The following DENND1A variants were observed in gnomAD, a reference collection of about 807,000 sequenced individuals.
The protein encoded by DENND1A is DENN domain containing 1A.
DENND1A carries 51 observed loss-of-function variants against 113.7 expected under a neutral mutation model. The ratio of observed to expected loss-of-function variants is 0.45; its 90% CI spans 0.36 to 0.57. DENND1A has a LOEUF of 0.57. DENND1A is among the 20% of genes least tolerant of loss of function. The probability of loss-of-function intolerance (pLI) is 0.00; values close to 1 mark genes in which losing one functional copy is unlikely to be tolerated. For synonymous variants in DENND1A, 565 were observed against 570.8 expected, an observed-to-expected ratio of 0.99 and a Z score of 0.14; for missense variants, 1,258 against 1,395.9, an observed-to-expected ratio of 0.90 and a Z score of 1.57.
chr9:123,637,527 T>C (rs2061767534), intron 9 of DENND1A, among the ~76,000 whole-genome samples: 1 of 152,236 alleles, frequency 6.6e-6, no homozygotes, highest in Non-Finnish European at 1.5e-5. Flanking sequence ...CTGCAGGGAC[T>C]CTGTGAAGTC....
chr9:123,622,674 G>A (rs2061018328), intron 10 of DENND1A, among the ~76,000 whole-genome samples: 1 of 152,136 alleles, frequency 6.6e-6, no homozygotes. Flanking sequence ...TCTTGGCTGT[G>A]TGACAGTAGG....
intron 19 of DENND1A, chr9:123,413,277 T>G (rs2044457144): frequency 2.3e-6 from 1 of 444,356 alleles, no homozygotes; most frequent in African/African-American, 2.1e-5. Context: ...GTAATAATTT[T>G]TAGATTGATT....
intron 10 of DENND1A, among the ~76,000 whole-genome samples, chr9:123,629,332 T>C (rs1237527223): frequency 6.6e-6 from 1 of 152,208 alleles, no homozygotes; most frequent in Non-Finnish European, 1.5e-5. Context: ...CTTACGGACT[T>C]CTGTTGACTT....
intron 2 of DENND1A, among the ~76,000 whole-genome samples, chr9:123,841,891 A>T (rs1219045545): frequency 6.6e-6 from 1 of 152,168 alleles, no homozygotes; most frequent in Non-Finnish European, 1.5e-5. Context: ...CTGATTTTTT[A>T]AATGTGCTGC....
intron 12 of DENND1A, among the ~76,000 whole-genome samples, chr9:123,558,215 G>A (rs1217020967): frequency 1.3e-5 from 2 of 152,164 alleles, no homozygotes; most frequent in South Asian, 2.1e-4. Flanking sequence ...GGGAGGTTAG[G>A]CTACATACCT....
intron 11 of DENND1A, among the ~76,000 whole-genome samples, chr9:123,597,015 G>T (rs2059724575): frequency 6.6e-6 from 1 of 152,196 alleles, no homozygotes; most frequent in South Asian, 2.1e-4. Flanking sequence ...GAATTTAAGA[G>T]TTTCACTGGG....
intron 9 of DENND1A, among the ~76,000 whole-genome samples, chr9:123,636,679 A>G (rs2061719698): frequency 6.6e-6 from 1 of 151,226 alleles, no homozygotes; most frequent in African/African-American, 2.4e-5. Context: ...ATGAGGAAGA[A>G]TAGGCAAGAT....
intron 8 of DENND1A, among the ~76,000 whole-genome samples, chr9:123,655,158 T>C (rs1164003273): frequency 6.6e-6 from 1 of 152,170 alleles, no homozygotes. Context: ...CCGGGAGACT[T>C]CCTCAATTCA....
rs2056804064 is a variant in DENND1A, at chr9:123,547,890, G to A, written c.993+9680C>T. ...TCCTTTACTTTGTCACCCAGGGATG[G>A]TCACTATCATTTAGTTAACATCTAC... On this transcript the variant is annotated intron_variant, in intron 13 of 23. Transcript: ENST00000394215. Among the ~76,000 whole-genome samples, 4 of 152,116 alleles carry A rather than the reference G, an allele frequency of 2.6e-5. No homozygotes were observed. In the South Asian group the frequency reaches 8.3e-4, roughly 32 times the overall value.
chr9:123,807,239 T>C (rs1768201985), intron 2 of DENND1A, among the ~76,000 whole-genome samples: 1 of 152,214 alleles, frequency 6.6e-6, no homozygotes. Flanking sequence ...ATTTTCTATA[T>C]TTTTAATAAG....
intron 13 of DENND1A, among the ~76,000 whole-genome samples, chr9:123,505,332 G>A (rs1207584742): frequency 6.6e-6 from 1 of 152,156 alleles, no homozygotes; most frequent in East Asian, 1.9e-4. Flanking sequence ...GATATACCTT[G>A]GAGAAGATAA....
chr9:123,812,995 G>T (rs527277613), intron 2 of DENND1A, among the ~76,000 whole-genome samples: 7 of 152,126 alleles, frequency 4.6e-5, no homozygotes, highest in Admixed American at 4.6e-4. Context: ...CTATCTTCCA[G>T]GCTGGAGGGC....
At chr9:123,841,659 C>T (rs1019329996) in intron 2 of DENND1A, among the ~76,000 whole-genome samples, 1 of 152,024 alleles carries the variant, frequency 6.6e-6, no homozygotes, top group Non-Finnish European at 1.5e-5. Context: ...AAGGTTCCCC[C>T]CTAAGGATGA....
intron 21 of DENND1A, among the ~76,000 whole-genome samples, chr9:123,392,012 C>T (rs765663874): frequency 4.6e-5 from 7 of 152,160 alleles, no homozygotes; most frequent in Non-Finnish European, 8.8e-5. Context: ...ACCTTGTCTC[C>T]GCGTGGAGTT....
chr9:123,420,588 G>A (rs1191271407), intron 19 of DENND1A, among the ~76,000 whole-genome samples: 14 of 152,190 alleles, frequency 9.2e-5, no homozygotes, highest in East Asian at 7.7e-4. Flanking sequence ...TCTCTTTGCC[G>A]TGAGTGAGTG....
chr9:123,381,355 G>A lies in DENND1A; in HGVS notation c.*77C>T. The A allele has an allele frequency of 7.4e-7, 1 of 1,359,728 alleles. No homozygotes were observed. 84.2% of individuals were successfully genotyped at this position (1,359,728 alleles called of 1,614,324 possible). A position where few individuals can be genotyped will look rare whatever the true frequency, so the allele number is the denominator to read the frequency against. On this transcript the variant is annotated 3_prime_UTR_variant, in exon 24 of 24. Transcript: ENST00000394215. The surrounding 1 kb of genome is among the most constrained non-coding windows in gnomAD (Gnocchi z 4.7). ...CCAGCAGAACCTGGGCAGAGAGAGA[G>A]TGGCGGGGGAGCCTCGGAACCGCAG... is the stretch of plus-strand genomic sequence containing the variant.
chr9:123,765,398 C>T (rs1043828359), intron 4 of DENND1A, among the ~76,000 whole-genome samples: 10 of 152,084 alleles, frequency 6.6e-5, no homozygotes, highest in Admixed American at 6.5e-4. Flanking sequence ...AGGAAAAGAA[C>T]ATAGGGCAAT....
chr9:123,552,035 GAGAC>G lies in DENND1A; in HGVS notation c.993+5531_993+5534del, dbSNP rs373232182. ...AGCGAGAGCGAGAGAGAGAGAGAGA[GAGAC>G]AGAGAGAGAGAGAGAGAGAGAGAGA... is the stretch of plus-strand genomic sequence containing the variant. On this transcript the variant is annotated intron_variant, in intron 13 of 23. Coordinates refer to ENST00000394215, the MANE Select transcript of DENND1A (RefSeq NM_001352964.2). 2.5e-3 allele frequency among the ~76,000 whole-genome samples: 337 copies of G among 136,936 alleles called. 1 individual carries two copies. Among genetic ancestry groups the G allele is most frequent in the Non-Finnish European group, 4.2e-3 (277 of 66,502 alleles). The allele number at this position is 136,936 out of a possible 152,430, so 89.8% of individuals were successfully genotyped here.
intron 23 of DENND1A, 140 bp from the exon 24 acceptor site, chr9:123,382,765 T>C: frequency 1.1e-6 from 1 of 903,346 alleles, no homozygotes; most frequent in Non-Finnish European, 1.7e-6. Context: ...TTGGAACAGC[T>C]GAGGGCTCCC....
Sources: allele counts gnomAD v4.1 joint callset (sites outside exome capture counted in the v4.1 genomes callset), GRCh38; gene constraint gnomAD v4.1.1; non-coding constraint Gnocchi (gnomAD v3.1); transcripts MANE v1.5; gene names NCBI Gene and HGNC (gene_info 2026-07-23, HGNC 2026-07-21).